The following TRMT11 variants were observed in gnomAD, a reference collection of about 807,000 sequenced individuals.
TRMT11 encodes tRNA (guanine(10)-N(2))-methyltransferase TRMT11.
A neutral mutation model predicts 62.8 loss-of-function variants in TRMT11; 53 were observed. The observed-to-expected ratio is 0.84, with a 90% CI of 0.68 to 1.06. The LOEUF is 1.06. TRMT11 is among the 50% of genes least tolerant of loss of function. The probability of loss-of-function intolerance (pLI) is 0.00; values close to 1 mark genes in which losing one functional copy is unlikely to be tolerated. For missense variants in TRMT11, 556 were observed against 553.4 expected (o/e 1.00, Z -0.05); for synonymous variants, 188 against 190.3 (o/e 0.99, Z 0.10).
At chr6:126,218,905 T>C in the TRMT11 span, among the ~76,000 whole-genome samples, 5 of 152,200 alleles carry the variant, frequency 3.3e-5, no homozygotes, top group African/African-American at 1.2e-4. Flanking sequence ...GTGATTTCCC[T>C]CTGGCTAGGG....
intron 17 of TRMT11, among the ~76,000 whole-genome samples, chr6:126,098,871 TAA>T (rs948483091): frequency 3.3e-5 from 5 of 152,236 alleles, no homozygotes; most frequent in Non-Finnish European, 7.3e-5. Context: ...GGATTTTTTT[TAA>T]AGTAGGTAAG....
chr6:126,157,089 C>T (rs937161243), intron 21 of TRMT11, among the ~76,000 whole-genome samples: 1 of 152,102 alleles, frequency 6.6e-6, no homozygotes, highest in Non-Finnish European at 1.5e-5. Context: ...CCTCAGATGC[C>T]CCCAAACCTA....
the TRMT11 span, among the ~76,000 whole-genome samples, chr6:126,268,378 A>C: frequency 6.6e-6 from 1 of 152,130 alleles, no homozygotes; most frequent in Non-Finnish European, 1.5e-5. Context: ...GAGGCACTGG[A>C]GTTGAGCTGG....
At chr6:125,998,159 A>G (rs1410519361) in intron 4 of TRMT11, 25 bp downstream of exon 4, 5 of 1,603,102 alleles carry the variant, frequency 3.1e-6, no homozygotes, top group African/African-American at 2.7e-5. Flanking sequence ...GTGGTTTTAT[A>G]TAGGCATGCG....
At chr6:126,090,672 C>T (rs1777263662) in intron 17 of TRMT11, among the ~76,000 whole-genome samples, 1 of 152,092 alleles carries the variant, frequency 6.6e-6, no homozygotes, top group Non-Finnish European at 1.5e-5. Context: ...ATTTAATACA[C>T]CAAGACATCC....
At chr6:126,138,520 G>A (rs1777878166) in intron 21 of TRMT11, among the ~76,000 whole-genome samples, 1 of 151,958 alleles carries the variant, frequency 6.6e-6, no homozygotes, top group South Asian at 2.1e-4. Context: ...AGCACACACT[G>A]TGGCTATACC....
chr6:126,204,419 T>C (rs1778770458), downstream of TRMT11, among the ~76,000 whole-genome samples: 1 of 152,200 alleles, frequency 6.6e-6, no homozygotes, highest in Admixed American at 6.5e-5. Flanking sequence ...TCTCACACCA[T>C]GGAGGGAGAG....
chr6:126,011,652 T>C (rs1467337992), intron 9 of TRMT11, among the ~76,000 whole-genome samples: 1 of 152,164 alleles, frequency 6.6e-6, no homozygotes, highest in Non-Finnish European at 1.5e-5. Flanking sequence ...TCCCCTGTTA[T>C]ATCCTTTTAT....
intron 1 of TRMT11, among the ~76,000 whole-genome samples, chr6:126,194,700 T>C (rs566551825): frequency 1.3e-5 from 2 of 152,318 alleles, no homozygotes; most frequent in East Asian, 1.9e-4. Context: ...AACAAACTTA[T>C]TTGCTTTGTT....
intron 9 of TRMT11, among the ~76,000 whole-genome samples, chr6:126,011,652 T>A (rs1467337992): frequency 6.6e-6 from 1 of 152,164 alleles, no homozygotes; most frequent in South Asian, 2.1e-4. Context: ...TCCCCTGTTA[T>A]ATCCTTTTAT....
intron 12 of TRMT11, among the ~76,000 whole-genome samples, chr6:126,029,609 A>G (rs78968437): frequency 6.6e-6 from 1 of 152,216 alleles, no homozygotes; most frequent in Non-Finnish European, 1.5e-5. Flanking sequence ...AATAGTCTCT[A>G]CATTAAAGTG....
chr6:126,121,774 A>G (rs1368240379), intron 21 of TRMT11, among the ~76,000 whole-genome samples: 2 of 152,088 alleles, frequency 1.3e-5, no homozygotes, highest in East Asian at 1.9e-4. Context: ...AGTCAGGGTT[A>G]TATCCCCTAG....
intron 12 of TRMT11, among the ~76,000 whole-genome samples, 194 bp from the exon 13 acceptor site, chr6:126,038,511 A>C (rs185974666): frequency 1.4e-4 from 22 of 152,006 alleles, no homozygotes; most frequent in Admixed American, 1.3e-3. Context: ...AATGAGGTAA[A>C]TGAAAACACT....
chr6:126,190,902 ACAG>A (rs1292856874), intron 1 of TRMT11, among the ~76,000 whole-genome samples: 9 of 152,220 alleles, frequency 5.9e-5, no homozygotes, highest in Non-Finnish European at 8.8e-5. Context: ...TGCAATAGAC[ACAG>A]GAGTGCAGAT....
the TRMT11 span, among the ~76,000 whole-genome samples, chr6:126,229,993 A>G: frequency 2.5e-4 from 38 of 152,152 alleles, no homozygotes; most frequent in Admixed American, 2.4e-3. Flanking sequence ...TAGCTGAGAC[A>G]TGAGGGAACA....
At chr6:125,995,773 A>G (rs1027476603) in intron 2 of TRMT11, among the ~76,000 whole-genome samples, 194 bp from the exon 3 acceptor site, 3 of 152,234 alleles carry the variant, frequency 2.0e-5, no homozygotes, top group African/African-American at 7.2e-5. Flanking sequence ...TAGGGTCATT[A>G]TAAAAATGTT....
the TRMT11 span, among the ~76,000 whole-genome samples, chr6:126,225,493 A>G: frequency 1.3e-5 from 2 of 151,448 alleles, no homozygotes; most frequent in Non-Finnish European, 2.9e-5. Flanking sequence ...AAGATCTGCT[A>G]GGACTGTGCC....
chr6:126,139,244 A>G (rs1777886745), intron 21 of TRMT11, among the ~76,000 whole-genome samples: 1 of 152,110 alleles, frequency 6.6e-6, no homozygotes, highest in Non-Finnish European at 1.5e-5. Context: ...TAAAAATATT[A>G]TAGGTATGGC....
At chr6:126,171,238 A>G (rs1778326948) in intron 21 of TRMT11, among the ~76,000 whole-genome samples, 1 of 151,864 alleles carries the variant, frequency 6.6e-6, no homozygotes, top group African/African-American at 2.4e-5. Context: ...AAGCAAAAGC[A>G]GGATTCGCTT....
Sources: allele counts gnomAD v4.1 joint callset (sites outside exome capture counted in the v4.1 genomes callset), GRCh38; gene constraint gnomAD v4.1.1; transcripts MANE v1.5; gene names NCBI Gene and HGNC (gene_info 2026-07-23, HGNC 2026-07-21).